ROBO2: variants seen among roughly 807,000 people sequenced by gnomAD.
The protein encoded by ROBO2 is roundabout homolog 2.
Under a neutral mutation model 160.8 loss-of-function variants are expected in ROBO2, and 53 were observed. That is an observed-to-expected ratio of 0.33 (90% CI 0.26 to 0.41). The LOEUF (loss-of-function observed/expected upper bound fraction) is 0.41, where lower values mean the gene tolerates loss of function less well. Ranked by LOEUF, ROBO2 falls within the 10% of genes least tolerant of loss-of-function variation. The pLI is 1.00. For missense variants in ROBO2, 1,577 were observed against 1,722.4 expected (o/e 0.92, Z 1.49); for synonymous variants, 664 against 611.7 (o/e 1.09, Z -1.26).
At chr3:76,487,922 GT>G (rs1174945794) in intron 2 of ROBO2, among the ~76,000 whole-genome samples, 9 of 152,272 alleles carry the variant, frequency 5.9e-5, no homozygotes, top group African/African-American at 2.2e-4. Context: ...CTCTCTCTGA[GT>G]TTAGCCTGCA....
At chr3:77,157,267 C>G (rs2078099968) in intron 2 of ROBO2, among the ~76,000 whole-genome samples, 1 of 152,014 alleles carries the variant, frequency 6.6e-6, no homozygotes, top group Non-Finnish European at 1.5e-5. Context: ...CTAAGAGATC[C>G]CATACTTAAC....
At chr3:77,245,903 A>T (rs1182351290) in intron 2 of ROBO2, among the ~76,000 whole-genome samples, 1 of 152,212 alleles carries the variant, frequency 6.6e-6, no homozygotes, top group Non-Finnish European at 1.5e-5. Flanking sequence ...AGGATGTCTG[A>T]GGCATAAAAA....
intron 2 of ROBO2, among the ~76,000 whole-genome samples, chr3:77,162,410 A>T (rs2078576336): frequency 6.6e-6 from 1 of 152,238 alleles, no homozygotes; most frequent in Non-Finnish European, 1.5e-5. Flanking sequence ...ACAAAGAATG[A>T]ACATGAAGGT....
At chr3:76,691,977 G>A (rs573661679) in intron 2 of ROBO2, among the ~76,000 whole-genome samples, 1 of 152,250 alleles carries the variant, frequency 6.6e-6, no homozygotes, top group Admixed American at 6.5e-5. Flanking sequence ...ATAGGGAGAA[G>A]AACTTCAGAG....
chr3:76,059,552 C>T (rs922799166), intron 2 of ROBO2, among the ~76,000 whole-genome samples: 3 of 151,892 alleles, frequency 2.0e-5, no homozygotes, highest in Non-Finnish European at 4.4e-5. Context: ...GGATATTAGC[C>T]CTTTGTCAGA....
intron 2 of ROBO2, among the ~76,000 whole-genome samples, chr3:76,164,251 G>A (rs2106941823): frequency 6.6e-6 from 1 of 152,260 alleles, no homozygotes; most frequent in Non-Finnish European, 1.5e-5. Flanking sequence ...TGGTATTTCT[G>A]CTGCATCTGC....
chr3:77,110,170 T>C (rs1311037574), intron 2 of ROBO2, among the ~76,000 whole-genome samples: 2 of 152,204 alleles, frequency 1.3e-5, no homozygotes, highest in Non-Finnish European at 2.9e-5. Flanking sequence ...ATTGACATGT[T>C]TGCAGGCCAA....
At chr3:77,311,977 TG>T in intron 2 of ROBO2, among the ~76,000 whole-genome samples, 1 of 152,062 alleles carries the variant, frequency 6.6e-6, no homozygotes, top group African/African-American at 2.4e-5. Context: ...TCCCAGCTAC[TG>T]GGGAGGCTGA....
chr3:77,482,349 C>G (rs2084806312), intron 4 of ROBO2, among the ~76,000 whole-genome samples: 2 of 152,140 alleles, frequency 1.3e-5, no homozygotes, highest in African/African-American at 4.8e-5. Context: ...ATTTTGCTGG[C>G]TTGGGAGACG....
At chr3:76,461,819 T>A (rs1577360646) in intron 2 of ROBO2, among the ~76,000 whole-genome samples, 1 of 152,220 alleles carries the variant, frequency 6.6e-6, no homozygotes, top group East Asian at 1.9e-4. Flanking sequence ...AATATTTTTC[T>A]TTTTGTGCCC....
intron 2 of ROBO2, among the ~76,000 whole-genome samples, chr3:76,468,775 A>G (rs554922940): frequency 1.3e-5 from 2 of 152,022 alleles, no homozygotes; most frequent in South Asian, 2.1e-4. Context: ...AACCTGTTCT[A>G]TTTGTCATTC....
intron 5 of ROBO2, among the ~76,000 whole-genome samples, chr3:77,499,297 C>T (rs894993966): frequency 6.6e-6 from 1 of 152,162 alleles, no homozygotes; most frequent in Admixed American, 6.5e-5. Flanking sequence ...GTTTTACATC[C>T]TGAAAATATG....
At chr3:76,006,932 TTAA>T (rs1232660046) in intron 2 of ROBO2, among the ~76,000 whole-genome samples, 1 of 152,046 alleles carries the variant, frequency 6.6e-6, no homozygotes, top group Non-Finnish European at 1.5e-5. Context: ...AATTTCTTTT[TTAA>T]AAAATATAAA....
chr3:76,702,688 A>C (rs1159804431), intron 2 of ROBO2, among the ~76,000 whole-genome samples: 1 of 152,060 alleles, frequency 6.6e-6, no homozygotes. Flanking sequence ...AATAATAATA[A>C]AGATTTGAAT....
chr3:76,920,960 T>G (rs1264379706), intron 2 of ROBO2, among the ~76,000 whole-genome samples: 1 of 152,234 alleles, frequency 6.6e-6, no homozygotes, highest in African/African-American at 2.4e-5. Flanking sequence ...GCATGTCTAT[T>G]ACTACGTTAA....
intron 13 of ROBO2, among the ~76,000 whole-genome samples, chr3:77,571,922 G>T (rs1028868236): frequency 6.6e-6 from 1 of 150,436 alleles, no homozygotes; most frequent in African/African-American, 2.4e-5. Flanking sequence ...AAAATGCATT[G>T]CCACTGCACA....
intron 2 of ROBO2, among the ~76,000 whole-genome samples, chr3:76,030,560 G>A (rs1203994035): frequency 1.3e-5 from 2 of 152,152 alleles, no homozygotes; most frequent in African/African-American, 4.8e-5. Context: ...GTAAGGAAGG[G>A]ATCCAGTTTC....
At chr3:76,974,681 TAA>T (rs1486428407) in intron 2 of ROBO2, among the ~76,000 whole-genome samples, 2 of 152,226 alleles carry the variant, frequency 1.3e-5, no homozygotes, top group African/African-American at 4.8e-5. Context: ...ATTGTAGACT[TAA>T]GTGTCTAAAT....
intron 2 of ROBO2, among the ~76,000 whole-genome samples, chr3:77,321,684 T>C (rs2064717508): frequency 6.6e-6 from 1 of 152,152 alleles, no homozygotes; most frequent in African/African-American, 2.4e-5. Flanking sequence ...CACATTCATG[T>C]AACCACTACA....
Sources: gnomAD v4.1 joint callset for allele counts (sites outside exome capture counted in the v4.1 genomes callset) on GRCh38, gnomAD v4.1.1 for gene constraint, MANE v1.5 for transcripts, NCBI Gene and HGNC (gene_info 2026-07-23, HGNC 2026-07-21) for gene names.